Variants in NRG3 observed in about 807,000 individuals in gnomAD.
NRG3 encodes pro-neuregulin-3, membrane-bound isoform.
Under a neutral mutation model 66.9 loss-of-function variants are expected in NRG3, and 31 were observed. That is an observed-to-expected ratio of 0.46 (90% CI 0.35 to 0.63). The LOEUF (loss-of-function observed/expected upper bound fraction) is 0.63, where lower values mean the gene tolerates loss of function less well. NRG3 is among the 20% of genes least tolerant of loss of function. NRG3 has a pLI of 0.00. For missense variants in NRG3, 910 were observed against 878.9 expected, an observed-to-expected ratio of 1.04 and a Z score of -0.45; for synonymous variants, 393 against 359.4, an observed-to-expected ratio of 1.09 and a Z score of -1.06.
rs188007803 is a variant in NRG3 at position 82,603,660 on chromosome 10, A to C, written c.954-134917A>C. ...GAAAGAAAAAGTTGATGCTATAATA[A>C]ATTTATTTCTGAAAAAAAAAGTCTC... On this transcript the variant is annotated intron_variant, in intron 2 of 8. Transcript: ENST00000372141. Among the ~76,000 whole-genome samples the C allele has an allele frequency of 3.1e-3, 479 of 152,198 alleles. 1 individual carries two copies. The highest frequency in any genetic ancestry group is 4.9e-3 in the Non-Finnish European group (335 of 68,010).
chr10:82,383,958 T>C (rs1017459171), intron 2 of NRG3, among the ~76,000 whole-genome samples: 2 of 151,986 alleles, frequency 1.3e-5, no homozygotes, highest in African/African-American at 2.4e-5. Context: ...TTTATGATAA[T>C]TTATCTTCTC....
chr10:82,687,085 C>T (rs1200196860), intron 2 of NRG3, among the ~76,000 whole-genome samples: 1 of 152,172 alleles, frequency 6.6e-6, no homozygotes, highest in Non-Finnish European at 1.5e-5. Context: ...TCATGCCCTC[C>T]GGAGCAACCA....
intron 1 of NRG3, among the ~76,000 whole-genome samples, chr10:81,972,789 A>T (rs2059978865): frequency 6.6e-6 from 1 of 152,202 alleles, no homozygotes; most frequent in Admixed American, 6.5e-5. Flanking sequence ...CAAGGAGCTC[A>T]ATGAACCATA....
At chr10:82,322,608 C>A (rs1461597908) in intron 1 of NRG3, among the ~76,000 whole-genome samples, 1 of 151,940 alleles carries the variant, frequency 6.6e-6, no homozygotes, top group Non-Finnish European at 1.5e-5. Flanking sequence ...ATATAACCTT[C>A]ATTGATTTGC....
At chr10:81,995,015 GTC>G (rs1482098814) in intron 1 of NRG3, among the ~76,000 whole-genome samples, 1 of 151,858 alleles carries the variant, frequency 6.6e-6, no homozygotes, top group Non-Finnish European at 1.5e-5. Flanking sequence ...TGTGAATTTG[GTC>G]TCTCAGATAT....
In NRG3 at chr10:82,684,957, G is replaced by A. The variant is rs147988779; in HGVS notation, c.954-53620G>A. ...GGAATTAGACTTTAGGATATCTGGAGTATCTCTCAGCAGGGAAAAATCTTG... is the reference window on the plus strand; with the variant it reads ...GGAATTAGACTTTAGGATATCTGGAATATCTCTCAGCAGGGAAAAATCTTG... On this transcript the variant is annotated intron_variant, in intron 2 of 8. Transcript: ENST00000372141. 2.0e-3 allele frequency among the ~76,000 whole-genome samples: 308 copies of A among 152,280 alleles called. 1 individual carries two copies. The highest frequency in any genetic ancestry group is 7.1e-3 in the African/African-American group (293 of 41,550).
chr10:82,964,337 G>A (rs943955712), intron 6 of NRG3, among the ~76,000 whole-genome samples: 1 of 152,178 alleles, frequency 6.6e-6, no homozygotes, highest in African/African-American at 2.4e-5. Flanking sequence ...GCAGGCTGGG[G>A]AGTTCATATC....
At chr10:82,948,903 C>T (rs1849266708) in intron 4 of NRG3, among the ~76,000 whole-genome samples, 1 of 152,050 alleles carries the variant, frequency 6.6e-6, no homozygotes, top group Non-Finnish European at 1.5e-5. Flanking sequence ...ATTTTTATTC[C>T]TATTTTTTCT....
In NRG3 at chr10:82,011,798, G is replaced by A. The variant is rs565060519; in HGVS notation, c.823+135635G>A. 3.9e-5 allele frequency among the ~76,000 whole-genome samples: 6 copies of A among 152,318 alleles called. No individual in the cohort carries two copies. In the South Asian group the frequency reaches 8.3e-4, roughly 21 times the overall value. ...TGTCTCACATCCAAGTCATGCTGAC[G>A]GAAGAGATGGGTTGCCGTGGTCTTG... On this transcript the variant is annotated intron_variant, in intron 1 of 8. Coordinates refer to ENST00000372141, the MANE Select transcript of NRG3 (RefSeq NM_001010848.4).
chr10:81,989,428 G>T (rs1055308129), intron 1 of NRG3, among the ~76,000 whole-genome samples: 4 of 152,060 alleles, frequency 2.6e-5, no homozygotes, highest in African/African-American at 4.8e-5. Flanking sequence ...TAAGAAACTC[G>T]ACAGAGAAAG....
intron 1 of NRG3, among the ~76,000 whole-genome samples, chr10:81,960,042 C>T (rs1850204999): frequency 6.6e-6 from 1 of 152,054 alleles, no homozygotes; most frequent in Non-Finnish European, 1.5e-5. Context: ...ATTCATTTCT[C>T]CACATTTTCT....
intron 3 of NRG3, among the ~76,000 whole-genome samples, chr10:82,759,816 T>C (rs2059230055): frequency 6.6e-6 from 1 of 152,022 alleles, no homozygotes; most frequent in South Asian, 2.1e-4. Context: ...ACTCAAAAAA[T>C]TGAAATCCAT....
chr10:82,956,969 G>A (rs1029978884), intron 5 of NRG3, among the ~76,000 whole-genome samples: 1 of 152,020 alleles, frequency 6.6e-6, no homozygotes, highest in Admixed American at 6.5e-5. Context: ...AAAAAACAGA[G>A]CTACATCACA....
chr10:82,542,480 C>T (rs550142376), intron 2 of NRG3, among the ~76,000 whole-genome samples: 10 of 152,058 alleles, frequency 6.6e-5, no homozygotes, highest in Admixed American at 6.5e-5. Context: ...ATGAACAAAT[C>T]AAATGGTAAG....
intron 1 of NRG3, among the ~76,000 whole-genome samples, chr10:82,286,353 T>C (rs2079418710): frequency 6.6e-6 from 1 of 152,164 alleles, no homozygotes; most frequent in Non-Finnish European, 1.5e-5. Flanking sequence ...ACATAATGTG[T>C]ATGTGTATAT....
chr10:82,130,324 C>T (rs899261141), intron 1 of NRG3, among the ~76,000 whole-genome samples: 2 of 151,892 alleles, frequency 1.3e-5, no homozygotes, highest in African/African-American at 4.8e-5. Context: ...GTGTGCTGCA[C>T]CCATTAACTC....
intron 1 of NRG3, among the ~76,000 whole-genome samples, chr10:82,026,545 G>T (rs2062316480): frequency 6.6e-6 from 1 of 151,894 alleles, no homozygotes; most frequent in African/African-American, 2.4e-5. Context: ...AATAATATTG[G>T]CTGTTAGTAT....
At chr10:82,693,310 AT>A (rs2055094005) in intron 2 of NRG3, among the ~76,000 whole-genome samples, 1 of 152,238 alleles carries the variant, frequency 6.6e-6, no homozygotes, top group African/African-American at 2.4e-5. Flanking sequence ...CTAGACTTGA[AT>A]AAAGTATTTT....
chr10:82,236,678 C>G (rs963352397), intron 1 of NRG3, among the ~76,000 whole-genome samples: 6 of 151,432 alleles, frequency 4.0e-5, no homozygotes, highest in Non-Finnish European at 7.4e-5. Flanking sequence ...TCCTGGCCTC[C>G]CTCTATCTCC....
Sources: gnomAD v4.1 joint callset for allele counts (sites outside exome capture counted in the v4.1 genomes callset) on GRCh38, gnomAD v4.1.1 for gene constraint, MANE v1.5 for transcripts, NCBI Gene and HGNC (gene_info 2026-07-23, HGNC 2026-07-21) for gene names.